The following IL1RAPL2 variants were observed in gnomAD, a reference collection of about 807,000 sequenced individuals.
IL1RAPL2 encodes the protein interleukin 1 receptor accessory protein like 2.
IL1RAPL2 carries 3 observed loss-of-function variants against 44.1 expected under a neutral mutation model. The ratio of observed to expected loss-of-function variants is 0.07; its 90% confidence interval spans 0.03 to 0.18. The LOEUF is 0.18. Ranked by LOEUF, IL1RAPL2 falls within the 10% of genes least tolerant of loss-of-function variation. The pLI, the probability that IL1RAPL2 is intolerant of heterozygous loss-of-function variation, is 1.00. For synonymous variants in IL1RAPL2, 181 were observed against 178.8 expected, an observed-to-expected ratio of 1.01 and a Z score of -0.10; for missense variants, 391 against 496.4, an observed-to-expected ratio of 0.79 and a Z score of 2.02.
At chrX:105,454,431 C>T (rs1219619957) in intron 5 of IL1RAPL2, among the ~76,000 whole-genome samples, 1 of 111,352 alleles carries the variant, frequency 9.0e-6, no homozygotes, top group Non-Finnish European at 1.9e-5. Flanking sequence ...CATGCCAACA[C>T]AAAAGGCTAT....
At chrX:105,266,653 T>C (rs1324223475) in intron 4 of IL1RAPL2, among the ~76,000 whole-genome samples, 1 of 111,771 alleles carries the variant, frequency 8.9e-6, no homozygotes, top group African/African-American at 3.3e-5. Context: ...GAGAGTAAGA[T>C]AATTGGCTTC....
intron 2 of IL1RAPL2, among the ~76,000 whole-genome samples, chrX:104,683,409 A>C (rs970120134): frequency 8.9e-6 from 1 of 111,823 alleles, no homozygotes; most frequent in Non-Finnish European, 1.9e-5. Flanking sequence ...TCTTCTGTGC[A>C]TTCCTAGGGG....
intron 2 of IL1RAPL2, among the ~76,000 whole-genome samples, chrX:104,958,795 A>G (rs2147714862): frequency 9.1e-6 from 1 of 109,353 alleles, no homozygotes; most frequent in Non-Finnish European, 1.9e-5. Context: ...GGTTTCAGAG[A>G]GAAGAAATCT....
intron 2 of IL1RAPL2, among the ~76,000 whole-genome samples, chrX:104,948,643 G>A (rs1925467075): frequency 9.0e-6 from 1 of 111,113 alleles, no homozygotes; most frequent in South Asian, 3.8e-4. Context: ...GTTGAATTTT[G>A]TCAAAGGCCT....
At chrX:105,286,658 G>C (rs1033443245) in intron 5 of IL1RAPL2, among the ~76,000 whole-genome samples, 1 of 109,147 alleles carries the variant, frequency 9.2e-6, no homozygotes. Context: ...CAGCCAGAAA[G>C]TTCAAACAAC....
intron 2 of IL1RAPL2, among the ~76,000 whole-genome samples, chrX:105,184,655 C>A (rs2033567797): frequency 9.2e-6 from 1 of 108,948 alleles, no homozygotes; most frequent in Admixed American, 9.9e-5. Flanking sequence ...GTATACTATA[C>A]ATGTATTATT....
At chrX:104,860,486 G>T (rs188517337) in intron 2 of IL1RAPL2, among the ~76,000 whole-genome samples, 1 of 111,765 alleles carries the variant, frequency 8.9e-6, no homozygotes, top group Admixed American at 9.5e-5. Flanking sequence ...ACACACCAAA[G>T]ATGTATAAAA....
intron 2 of IL1RAPL2, among the ~76,000 whole-genome samples, chrX:105,129,249 A>G (rs2033004901): frequency 1.8e-5 from 2 of 110,552 alleles, no homozygotes; most frequent in African/African-American, 6.6e-5. Flanking sequence ...GCTTGCTCTC[A>G]GCCTCATAGA....
intron 2 of IL1RAPL2, among the ~76,000 whole-genome samples, chrX:104,767,938 T>C (rs1344747070): frequency 2.7e-5 from 3 of 112,132 alleles, no homozygotes; most frequent in East Asian, 2.8e-4. Flanking sequence ...AGTGGGACAG[T>C]TGGCAAAAGA....
intron 2 of IL1RAPL2, among the ~76,000 whole-genome samples, chrX:104,733,975 A>G (rs1339619758): frequency 1.8e-5 from 2 of 111,423 alleles, no homozygotes; most frequent in African/African-American, 6.5e-5. Flanking sequence ...AAAATGGGTA[A>G]AAGATTTAAA....
chrX:104,671,857 C>T (rs1930611198), intron 2 of IL1RAPL2, among the ~76,000 whole-genome samples: 1 of 111,615 alleles, frequency 9.0e-6, no homozygotes, highest in African/African-American at 3.3e-5. Flanking sequence ...GCACAGCCTG[C>T]CTACTCTCAG....
chrX:104,775,109 A>G (rs1169364501), intron 2 of IL1RAPL2, among the ~76,000 whole-genome samples: 1 of 112,584 alleles, frequency 8.9e-6, no homozygotes. Context: ...TAAATTAAGC[A>G]TAAAAGTTAG....
At position 104,983,666 on chromosome X, in the gene IL1RAPL2, T is replaced by TACATAATATTATATACATAATATTA. The variant is rs1270908936; in HGVS notation, c.83-211784_83-211760dup. On this transcript the variant is annotated intron_variant, in intron 2 of 10. Transcript: ENST00000372582. The stretch of plus-strand genomic sequence containing the variant: ...CATATAATATTATGTACATAATATA[T>TACATAATATTATATACATAATATTA]ACATAATATTATATACATAATATTA... Among the ~76,000 whole-genome samples, 376 of 98,314 alleles carry TACATAATATTATATACATAATATTA rather than the reference T, an allele frequency of 3.8e-3. 2 individuals are homozygous for TACATAATATTATATACATAATATTA. Among genetic ancestry groups the TACATAATATTATATACATAATATTA allele is most frequent in the South Asian group, 7.0e-3 (17 of 2,435 alleles). The allele number at this position is 98,314 out of a possible 115,157, so 85.4% of individuals were successfully genotyped here. A position where few individuals can be genotyped will look rare whatever the true frequency, so the allele number is the denominator to read the frequency against.
At chrX:104,871,590 C>A (rs1489825969) in intron 2 of IL1RAPL2, among the ~76,000 whole-genome samples, 1 of 108,421 alleles carries the variant, frequency 9.2e-6, no homozygotes, top group African/African-American at 3.5e-5. Context: ...TATTTTTTTT[C>A]TGAATTCTTT....
chrX:104,667,622 C>CCAGAGT (rs1930509878), intron 2 of IL1RAPL2, among the ~76,000 whole-genome samples: 1 of 110,102 alleles, frequency 9.1e-6, no homozygotes, highest in African/African-American at 3.3e-5. Flanking sequence ...TTTGTCTGAC[C>CCAGAGT]CCAGAGTCCT....
At chrX:105,051,237 A>G (rs750907792) in intron 2 of IL1RAPL2, among the ~76,000 whole-genome samples, 89 of 73,148 alleles carry the variant, frequency 1.2e-3, no homozygotes, top group African/African-American at 4.5e-3. Flanking sequence ...AGCAGGCGCC[A>G]GGAGAAGACA....
chrX:104,814,381 T>C (rs958665297), intron 2 of IL1RAPL2, among the ~76,000 whole-genome samples: 12 of 112,269 alleles, frequency 1.1e-4, no homozygotes, highest in East Asian at 8.4e-4. Context: ...ATTGAATTAG[T>C]TTCTGAATAT....
chrX:105,219,671 C>T, intron 3 of IL1RAPL2: 1 of 1,210,611 alleles, frequency 8.3e-7, no homozygotes, highest in Non-Finnish European at 1.1e-6. Context: ...TCTTCCTCCT[C>T]AGCTGCTCCT....
intron 2 of IL1RAPL2, among the ~76,000 whole-genome samples, chrX:105,049,422 G>A (rs1174561811): frequency 2.7e-5 from 3 of 111,296 alleles, no homozygotes; most frequent in Non-Finnish European, 3.8e-5. Flanking sequence ...TGGGTGCTCT[G>A]GGCATTGTTC....
Sources: allele counts gnomAD v4.1 joint callset (sites outside exome capture counted in the v4.1 genomes callset), GRCh38; gene constraint gnomAD v4.1.1; transcripts MANE v1.5; gene names NCBI Gene and HGNC (gene_info 2026-07-23, HGNC 2026-07-21).